Variants in ABCA13 observed in about 807,000 individuals in gnomAD.
ABCA13 encodes the protein ATP-binding cassette sub-family A member 13.
A neutral mutation model predicts 478.7 loss-of-function variants in ABCA13; 476 were observed. The observed-to-expected ratio is 0.99, with a 90% CI of 0.92 to 1.07. The LOEUF (loss-of-function observed/expected upper bound fraction) is 1.07, where lower values mean the gene tolerates loss of function less well. Among genes scored for constraint, ABCA13 ranks in the 50% least tolerant of loss-of-function variants. The pLI, the probability that ABCA13 is intolerant of heterozygous loss-of-function variation, is 0.00. For synonymous variants in ABCA13, 2,252 were observed against 2,158.9 expected (o/e 1.04, Z -1.20); for missense variants, 6,060 against 5,910.6 (o/e 1.03, Z -0.83).
At chr7:48,313,538 G>T (rs901145667) in intron 25 of ABCA13, among the ~76,000 whole-genome samples, 1 of 152,166 alleles carries the variant, frequency 6.6e-6, no homozygotes, top group African/African-American at 2.4e-5. Context: ...GAGATTTCAA[G>T]GGCCTGTTTA....
At chr7:48,357,258 T>G (rs2128996122) in intron 31 of ABCA13, among the ~76,000 whole-genome samples, 1 of 152,100 alleles carries the variant, frequency 6.6e-6, no homozygotes, top group Admixed American at 6.5e-5. Context: ...TGGGCTCTAC[T>G]TCAGGTAACT....
chr7:48,368,759 A>G (rs1007775937), intron 32 of ABCA13, among the ~76,000 whole-genome samples: 1 of 131,086 alleles, frequency 7.6e-6, no homozygotes, highest in Non-Finnish European at 1.6e-5. Flanking sequence ...ATATATATAT[A>G]TACACACATA....
intron 42 of ABCA13, among the ~76,000 whole-genome samples, chr7:48,431,689 A>G (rs1245188580): frequency 6.6e-6 from 1 of 152,210 alleles, no homozygotes; most frequent in East Asian, 1.9e-4. Context: ...TGTTAGGTAC[A>G]TAAATCATCA....
At chr7:48,253,353 T>G (rs1241875982) in intron 15 of ABCA13, among the ~76,000 whole-genome samples, 2 of 152,192 alleles carry the variant, frequency 1.3e-5, no homozygotes, top group African/African-American at 4.8e-5. Context: ...CAAGTTCTAT[T>G]TTTTCCCTTG....
intron 24 of ABCA13, among the ~76,000 whole-genome samples, chr7:48,312,344 T>A (rs1336442945): frequency 6.6e-6 from 1 of 152,164 alleles, no homozygotes; most frequent in Non-Finnish European, 1.5e-5. Flanking sequence ...AACAAATATT[T>A]ATTGAGCAAC....
At chr7:48,345,125 C>T (rs987086041) in intron 29 of ABCA13, among the ~76,000 whole-genome samples, 18 of 152,248 alleles carry the variant, frequency 1.2e-4, no homozygotes, top group African/African-American at 4.3e-4. Context: ...TGTAGAACAA[C>T]ACATTACTCA....
chr7:48,645,640 G>C lies in ABCA13; in HGVS notation c.*128G>C, dbSNP rs1395513271. On this transcript the variant is annotated 3_prime_UTR_variant, in exon 62 of 62. Transcript: ENST00000435803. The stretch of plus-strand genomic sequence containing the variant: ...CTCCAGGCCGTCAAATTATTCTCTT[G>C]TTCATTTTCTATTTTGAATCTCCTT... The C allele has an allele frequency of 8.2e-6, 6 of 734,780 alleles. No individual in the cohort carries two copies. The highest frequency in any genetic ancestry group is 1.1e-5 in the Non-Finnish European group (5 of 455,254). The allele number at this position is 734,780 out of a possible 1,614,324, so 45.5% of individuals were successfully genotyped here.
chr7:48,278,868 G>C lies in ABCA13; in HGVS notation c.7674G>C (p.Leu2558=). ...ACAGTGTGAAATTCTTTGACACTCTGTATTCCATCATGCAACAAAGTGTTC... is the reference window on the plus strand; with the variant it reads ...ACAGTGTGAAATTCTTTGACACTCTCTATTCCATCATGCAACAAAGTGTTC... ...TKDSVKFFDT[L]YSIMQQSVQN... Residue 2558 remains leucine (L), a synonymous_variant, in exon 18 of 62, where the codon CTG becomes CTC. Transcript: ENST00000435803. 6.2e-7 allele frequency: 1 copy of C among 1,613,472 alleles called. No homozygotes were observed. Among genetic ancestry groups the C allele is most frequent in the Non-Finnish European group, 8.5e-7 (1 of 1,179,870 alleles).
chr7:48,524,122 G>T, intron 53 of ABCA13, 126 bp from the exon 54 acceptor site: 1 of 812,790 alleles, frequency 1.2e-6, no homozygotes, highest in Non-Finnish European at 1.9e-6. Context: ...TCTGGACAAA[G>T]CTGACTGCCC....
chr7:48,245,386 T>C, intron 11 of ABCA13, 126 bp from the exon 12 acceptor site: 1 of 658,702 alleles, frequency 1.5e-6, no homozygotes. Context: ...GAAGAAAATG[T>C]ATAATAATAG....
chr7:48,618,534 G>A (rs1248765210), intron 59 of ABCA13, among the ~76,000 whole-genome samples: 2 of 152,178 alleles, frequency 1.3e-5, no homozygotes, highest in Admixed American at 1.3e-4. Flanking sequence ...CCAATAATAG[G>A]GGCATGGCAC....
chr7:48,172,456 A>G (rs890234784), intron 1 of ABCA13, among the ~76,000 whole-genome samples: 2 of 152,210 alleles, frequency 1.3e-5, no homozygotes, highest in African/African-American at 4.8e-5. Flanking sequence ...TTTCTTTTTT[A>G]TGTGATCTTT....
intron 35 of ABCA13, among the ~76,000 whole-genome samples, chr7:48,385,301 A>G (rs1585102660): frequency 6.6e-6 from 1 of 151,588 alleles, no homozygotes; most frequent in East Asian, 1.9e-4. Context: ...CTCACCCTTC[A>G]CCCTCCAAAA....
At chr7:48,175,007 G>A (rs1794647675) in intron 1 of ABCA13, among the ~76,000 whole-genome samples, 1 of 152,210 alleles carries the variant, frequency 6.6e-6, no homozygotes, top group African/African-American at 2.4e-5. Flanking sequence ...TCCTGGAGAA[G>A]TTTCTGGGTC....
intron 58 of ABCA13, among the ~76,000 whole-genome samples, chr7:48,605,884 C>T (rs1185611062): frequency 6.6e-6 from 1 of 152,168 alleles, no homozygotes; most frequent in Non-Finnish European, 1.5e-5. Context: ...CACATAGTCC[C>T]ATATTTCTTG....
chr7:48,420,924 C>A (rs1175925267), intron 41 of ABCA13, among the ~76,000 whole-genome samples: 1 of 152,064 alleles, frequency 6.6e-6, no homozygotes, highest in Non-Finnish European at 1.5e-5. Context: ...CCTCAGTTTC[C>A]TTGACTTTCA....
Position 48,272,451 on chromosome 7 carries a change from C to A in ABCA13, c.2785C>A (p.Leu929Ile). The A allele has an allele frequency of 6.2e-7, 1 of 1,613,756 alleles. No individual in the cohort carries two copies. Among genetic ancestry groups the A allele is most frequent in the Non-Finnish European group, 8.5e-7 (1 of 1,179,758 alleles). The change falls in exon 17 of 62, where the codon CTT (leucine) becomes ATT (isoleucine). Residue 929 changes from leucine (L) to isoleucine (I), a missense_variant. Around this residue, in one of 3 missense-constraint regions of ABCA13, gnomAD observed 4,423 missense variants for 4,309.1 expected, o/e 1.03. Transcript: ENST00000435803. ...CTACGCTATCAGGAATGCATCTGAT[C>A]TTTTCTCAGCCCTTTCTGAACCACA... The part of the protein sequence containing the change: ...TVYAIRNASD[L>I]FSALSEPQKQ...
At chr7:48,336,610 G>A (rs984115191) in intron 28 of ABCA13, among the ~76,000 whole-genome samples, 1 of 152,176 alleles carries the variant, frequency 6.6e-6, no homozygotes, top group Non-Finnish European at 1.5e-5. Flanking sequence ...CCTGGGAGTG[G>A]GCCTGATGTG....
chr7:48,245,537 A>T lies in ABCA13; in HGVS notation c.1416A>T (p.Ser472=). The T allele has an allele frequency of 6.2e-7, 1 of 1,612,514 alleles. No homozygotes were observed. The highest frequency in any genetic ancestry group is 8.5e-7 in the Non-Finnish European group (1 of 1,179,490). ...AAGTCCTCATTTGCCTGGAGACATC[A>T]GCTAATGATTTTAAATGGTTTGAAC... The part of the protein sequence containing the change: ...VQEVLICLET[S]ANDFKWFELN... The change falls in exon 12 of 62, where the codon TCA becomes TCT. Residue 472 remains serine (S), a synonymous_variant. Transcript: ENST00000435803.
Sources: gnomAD v4.1 joint callset for allele counts (sites outside exome capture counted in the v4.1 genomes callset) on GRCh38, gnomAD v4.1.1 for gene constraint, gnomAD v4.1.1 regional missense constraint, MANE v1.5 for transcripts, NCBI Gene and HGNC (gene_info 2026-07-23, HGNC 2026-07-21) for gene names.